ROR2: variants seen among roughly 807,000 people sequenced by gnomAD.
The protein encoded by ROR2 is ROR family WNT receptor 2.
Under a neutral mutation model 74.9 loss-of-function variants are expected in ROR2, and 33 were observed. The ratio of observed to expected loss-of-function variants is 0.44; its 90% CI spans 0.33 to 0.59. ROR2 has a LOEUF of 0.59. Among genes scored for constraint, ROR2 ranks in the 20% least tolerant of loss-of-function variants. ROR2 has a pLI of 0.02. For synonymous variants in ROR2, 586 were observed against 558.7 expected (o/e 1.05, Z -0.69); for missense variants, 1,216 against 1,313.8 (o/e 0.93, Z 1.15).
intron 1 of ROR2, among the ~76,000 whole-genome samples, chr9:91,869,204 C>T (rs1441668569): frequency 2.0e-5 from 3 of 152,090 alleles, no homozygotes; most frequent in African/African-American, 4.8e-5. Context: ...ACTGCAGGCA[C>T]GTGCCACCAC....
At chr9:91,936,193 T>C (rs1831681894) in intron 1 of ROR2, among the ~76,000 whole-genome samples, 1 of 152,248 alleles carries the variant, frequency 6.6e-6, no homozygotes, top group East Asian at 1.9e-4. Flanking sequence ...TGAGCTGCAC[T>C]TGATCCACAG....
Position 91,909,838 on chromosome 9 carries a change from GTTTGTTTTGTTT to G in ROR2, c.97+40017_97+40028del, listed in dbSNP as rs1395431845. Reference sequence around the variant, plus strand: ...AATCTTTATTCTTTTTTTTTTTTAGGTTTGTTTTGTTTTTTTTTTTTTTTTTTTTTTTTAGTT... The same window carrying G: ...AATCTTTATTCTTTTTTTTTTTTAGGTTTTTTTTTTTTTTTTTTTTTAGTT... On this transcript the variant is annotated intron_variant, in intron 1 of 8. Transcript: ENST00000375708. Among the ~76,000 whole-genome samples the G allele has an allele frequency of 2.7e-3, 171 of 63,186 alleles. 3 individuals are homozygous for G. Among genetic ancestry groups the G allele is most frequent in the African/African-American group, 0.01 (157 of 15,474 alleles). 41.5% of individuals were successfully genotyped at this position (63,186 alleles called of 152,430 possible). A position where few individuals can be genotyped will look rare whatever the true frequency, so the allele number is the denominator to read the frequency against.
At chr9:91,817,745 A>G (rs1827992750) in intron 1 of ROR2, among the ~76,000 whole-genome samples, 1 of 152,210 alleles carries the variant, frequency 6.6e-6, no homozygotes, top group African/African-American at 2.4e-5. Flanking sequence ...GAACGGAAAG[A>G]AAGTCAAGGC....
intron 1 of ROR2, among the ~76,000 whole-genome samples, chr9:91,904,559 A>G (rs796195418): frequency 2.6e-5 from 4 of 152,318 alleles, no homozygotes; most frequent in African/African-American, 9.6e-5. Context: ...AGCCTTGTGG[A>G]GCAAGGAAGT....
intron 1 of ROR2, among the ~76,000 whole-genome samples, chr9:91,845,259 G>C (rs1467392999): frequency 2.6e-5 from 4 of 152,112 alleles, no homozygotes; most frequent in Non-Finnish European, 5.9e-5. Context: ...CTGTCCTGGG[G>C]AAGCCAGGCC....
At chr9:91,949,002 C>T (rs1832091968) in intron 1 of ROR2, 1 of 905,680 alleles carries the variant, frequency 1.1e-6, no homozygotes, top group African/African-American at 1.8e-5. Context: ...CTCTGCGCCC[C>T]GGATCCAAGC....
intron 1 of ROR2, among the ~76,000 whole-genome samples, chr9:91,839,268 G>A (rs1215293798): frequency 2.1e-5 from 3 of 142,186 alleles, no homozygotes; most frequent in African/African-American, 9.0e-5. Flanking sequence ...GTGTGTGTGT[G>A]TGTGTGTGTG....
chr9:91,836,105 G>C (rs1178330493), intron 1 of ROR2, among the ~76,000 whole-genome samples: 1 of 152,130 alleles, frequency 6.6e-6, no homozygotes. Context: ...TTTGCACATG[G>C]AATCCCACCA....
At chr9:91,787,823 A>G (rs1826850794) in intron 1 of ROR2, among the ~76,000 whole-genome samples, 1 of 152,226 alleles carries the variant, frequency 6.6e-6, no homozygotes, top group Non-Finnish European at 1.5e-5. Context: ...AGTGGCCAAC[A>G]GAAAATGTCC....
intron 1 of ROR2, among the ~76,000 whole-genome samples, chr9:91,897,620 C>T (rs768832334): frequency 3.3e-5 from 5 of 152,082 alleles, no homozygotes; most frequent in African/African-American, 4.8e-5. Flanking sequence ...TGAAGGCGAG[C>T]CTAAGATGTG....
chr9:91,782,051 CCTT>C (rs764767526), intron 1 of ROR2, among the ~76,000 whole-genome samples: 3 of 152,226 alleles, frequency 2.0e-5, no homozygotes, highest in Non-Finnish European at 4.4e-5. Context: ...CTTTCACAGA[CCTT>C]CTCTCTTCCC....
At chr9:91,873,574 CA>C (rs1405502837) in intron 1 of ROR2, among the ~76,000 whole-genome samples, 1 of 152,072 alleles carries the variant, frequency 6.6e-6, no homozygotes, top group Non-Finnish European at 1.5e-5. Flanking sequence ...GGTGACAAAG[CA>C]AGAATCCATC....
chr9:91,819,995 C>T (rs533399912), intron 1 of ROR2, among the ~76,000 whole-genome samples: 5 of 151,808 alleles, frequency 3.3e-5, no homozygotes, highest in African/African-American at 9.7e-5. Context: ...TGTCTGTACC[C>T]GTGTGTGTCT....
At chr9:91,865,656 C>A (rs992401544) in intron 1 of ROR2, among the ~76,000 whole-genome samples, 3 of 152,126 alleles carry the variant, frequency 2.0e-5, no homozygotes, top group Non-Finnish European at 4.4e-5. Flanking sequence ...GGGCCCAAGG[C>A]CATTTATTTT....
intron 1 of ROR2, among the ~76,000 whole-genome samples, chr9:91,941,051 G>A (rs1831847795): frequency 7.7e-6 from 1 of 130,264 alleles, no homozygotes; most frequent in Non-Finnish European, 1.5e-5. Flanking sequence ...AGGCCAGACT[G>A]CCATGGCGCT....
intron 1 of ROR2, among the ~76,000 whole-genome samples, chr9:91,934,585 G>C (rs890091083): frequency 6.6e-6 from 1 of 151,742 alleles, no homozygotes; most frequent in Non-Finnish European, 1.5e-5. Context: ...ACCCTCATTT[G>C]GCTGTTGTTC....
intron 1 of ROR2, among the ~76,000 whole-genome samples, chr9:91,874,843 G>C (rs1829910847): frequency 6.6e-6 from 1 of 151,908 alleles, no homozygotes; most frequent in African/African-American, 2.4e-5. Context: ...GCTGAGGCAG[G>C]AGAATCACTT....
intron 4 of ROR2, among the ~76,000 whole-genome samples, chr9:91,754,732 T>C (rs994137526): frequency 1.3e-5 from 2 of 152,322 alleles, no homozygotes; most frequent in East Asian, 1.9e-4. Flanking sequence ...AAATGACTTA[T>C]ATGCCTTTTT....
intron 1 of ROR2, among the ~76,000 whole-genome samples, chr9:91,887,791 T>TCTC (rs1046913699): frequency 7.3e-5 from 10 of 137,750 alleles, no homozygotes; most frequent in African/African-American, 2.8e-4. Context: ...TTTTTCTCTT[T>TCTC]TTTTTTTTTT....
Sources: gnomAD v4.1 joint callset for allele counts (sites outside exome capture counted in the v4.1 genomes callset) on GRCh38, gnomAD v4.1.1 for gene constraint, MANE v1.5 for transcripts, NCBI Gene and HGNC (gene_info 2026-07-23, HGNC 2026-07-21) for gene names.